RBFOX3: variants seen among roughly 807,000 people sequenced by gnomAD.
RBFOX3 encodes RNA binding fox-1 homolog 3, also known as RNA binding protein fox-1 homolog 3.
RBFOX3 carries 17 observed loss-of-function variants against 48.7 expected under a neutral mutation model. The ratio of observed to expected loss-of-function variants is 0.35; its 90% confidence interval spans 0.24 to 0.52. The LOEUF (loss-of-function observed/expected upper bound fraction) is 0.52, where lower values mean the gene tolerates loss of function less well. Among genes scored for constraint, RBFOX3 ranks in the 20% least tolerant of loss-of-function variants. The pLI is 0.94. For missense variants in RBFOX3, 382 were observed against 497.5 expected, an observed-to-expected ratio of 0.77 and a Z score of 2.21; for synonymous variants, 212 against 209.5, an observed-to-expected ratio of 1.01 and a Z score of -0.10.
chr17:79,246,660 G>T (rs113665501), intron 3 of RBFOX3, among the ~76,000 whole-genome samples: 7 of 152,322 alleles, frequency 4.6e-5, no homozygotes, highest in African/African-American at 1.7e-4. Context: ...GCACAGCCGG[G>T]ATGTCTCTCC....
At chr17:79,325,236 G>T (rs1009610569) in intron 2 of RBFOX3, among the ~76,000 whole-genome samples, 3 of 152,190 alleles carry the variant, frequency 2.0e-5, no homozygotes, top group Non-Finnish European at 4.4e-5. Context: ...CCAGCCCCCT[G>T]GGTGGGCTCA....
At chr17:79,643,870 T>A in the RBFOX3 span, among the ~76,000 whole-genome samples, 1 of 147,732 alleles carries the variant, frequency 6.8e-6, no homozygotes, top group South Asian at 2.2e-4. Flanking sequence ...AGCTTCTACC[T>A]TACAAAACTT....
At chr17:79,649,670 C>T in the RBFOX3 span, among the ~76,000 whole-genome samples, 3 of 152,098 alleles carry the variant, frequency 2.0e-5, no homozygotes, top group African/African-American at 7.2e-5. Flanking sequence ...AGCGCCATTG[C>T]ACTTCAGCCG....
chr17:79,160,788 T>C (rs2046813456), intron 4 of RBFOX3, among the ~76,000 whole-genome samples: 1 of 152,124 alleles, frequency 6.6e-6, no homozygotes, highest in African/African-American at 2.4e-5. Context: ...GAGACCAGCC[T>C]GGTCAACATG....
chr17:79,665,305 A>T, the RBFOX3 span, among the ~76,000 whole-genome samples: 3 of 151,290 alleles, frequency 2.0e-5, no homozygotes, highest in Admixed American at 6.6e-5. Context: ...AGCACACGGG[A>T]CACATTCTAC....
chr17:79,183,413 T>A (rs898839968), intron 4 of RBFOX3: 1 of 152,056 alleles, frequency 6.6e-6, no homozygotes, highest in African/African-American at 2.4e-5. Context: ...GCTCGCTGCG[T>A]CCCTCGGAGT....
intron 2 of RBFOX3, among the ~76,000 whole-genome samples, chr17:79,467,759 C>T (rs2076507676): frequency 6.6e-6 from 1 of 152,158 alleles, no homozygotes; most frequent in African/African-American, 2.4e-5. Context: ...TCCCTGGGAT[C>T]ACTATGGTCT....
At chr17:79,559,832 G>C (rs2092080669) in intron 1 of RBFOX3, among the ~76,000 whole-genome samples, 1 of 147,146 alleles carries the variant, frequency 6.8e-6, no homozygotes, top group African/African-American at 2.5e-5. Flanking sequence ...GATGTTAGGT[G>C]GTGAATGAAT....
chr17:79,425,376 C>G (rs561550013), intron 2 of RBFOX3, among the ~76,000 whole-genome samples: 1 of 152,012 alleles, frequency 6.6e-6, no homozygotes, highest in African/African-American at 2.4e-5. Flanking sequence ...TCACTGGGAA[C>G]CCACAGTGTG....
At chr17:79,222,432 C>A (rs1023812218) in intron 4 of RBFOX3, among the ~76,000 whole-genome samples, 2 of 152,222 alleles carry the variant, frequency 1.3e-5, no homozygotes, top group Non-Finnish European at 2.9e-5. Context: ...GCAGGACAAA[C>A]CCTGCTCCAG....
chr17:79,203,197 G>A (rs942648113), intron 4 of RBFOX3, among the ~76,000 whole-genome samples: 1 of 150,798 alleles, frequency 6.6e-6, no homozygotes, highest in Admixed American at 6.6e-5. Flanking sequence ...GACAGATGGG[G>A]CTGTGACAAC....
intron 2 of RBFOX3, among the ~76,000 whole-genome samples, chr17:79,400,053 C>A (rs2062592166): frequency 6.6e-6 from 1 of 152,134 alleles, no homozygotes; most frequent in Admixed American, 6.5e-5. Context: ...CCAGACACTT[C>A]CAACACTGCC....
At chr17:79,197,986 C>G (rs368634918) in intron 4 of RBFOX3, among the ~76,000 whole-genome samples, 1 of 152,134 alleles carries the variant, frequency 6.6e-6, no homozygotes, top group Non-Finnish European at 1.5e-5. Flanking sequence ...TCTGTGACTG[C>G]GGCGCGTGCT....
intron 9 of RBFOX3, 80 bp downstream of exon 9, chr17:79,101,504 C>T: frequency 7.7e-7 from 1 of 1,293,488 alleles, no homozygotes; most frequent in African/African-American, 1.5e-5. Context: ...GAAGGTCAGC[C>T]TGCAGCAGCC....
intron 2 of RBFOX3, among the ~76,000 whole-genome samples, chr17:79,466,015 C>A (rs1358828076): frequency 6.6e-6 from 1 of 152,224 alleles, no homozygotes; most frequent in Non-Finnish European, 1.5e-5. Flanking sequence ...GCCCAGAGGT[C>A]GTCTCCATAT....
chr17:79,107,767 C>T (rs2077676744), intron 5 of RBFOX3, among the ~76,000 whole-genome samples: 1 of 152,368 alleles, frequency 6.6e-6, no homozygotes, highest in East Asian at 1.9e-4. Context: ...TGCAGCCAAA[C>T]CGCAGGTGCC....
At chr17:79,516,524 G>C (rs943833433) in intron 1 of RBFOX3, among the ~76,000 whole-genome samples, 1 of 152,356 alleles carries the variant, frequency 6.6e-6, no homozygotes, top group South Asian at 2.1e-4. Flanking sequence ...GCCTTAGAAA[G>C]AGCCAGAGCT....
intron 1 of RBFOX3, among the ~76,000 whole-genome samples, chr17:79,485,595 G>A (rs1171793575): frequency 6.6e-6 from 1 of 152,140 alleles, no homozygotes; most frequent in African/African-American, 2.4e-5. Context: ...GGTGCCCCCA[G>A]CAGCCCCACA....
Position 79,364,401 on chromosome 17 carries a change from G to C in RBFOX3, c.-174-56577C>G, listed in dbSNP as rs561094129. Among the ~76,000 whole-genome samples, 7 of 152,346 alleles carry C rather than the reference G, an allele frequency of 4.6e-5. No homozygotes were observed. The highest frequency in any genetic ancestry group is 1.7e-4 in the African/African-American group (7 of 41,586). On this transcript the variant is annotated intron_variant, in intron 2 of 14. Coordinates refer to ENST00000693108, the MANE Select transcript of RBFOX3 (RefSeq NM_001350451.2). The surrounding 1 kb of genome is among the most constrained non-coding windows in gnomAD (Gnocchi z 5.1). ...TGACGGGGCTGATGGAGATAAAGCT[G>C]CCATTCAGATGCAGGTGGACTCTGA...
Sources: gnomAD v4.1 joint callset for allele counts (sites outside exome capture counted in the v4.1 genomes callset) on GRCh38, gnomAD v4.1.1 for gene constraint, Gnocchi (gnomAD v3.1) non-coding constraint, MANE v1.5 for transcripts, NCBI Gene and HGNC (gene_info 2026-07-23, HGNC 2026-07-21) for gene names.